UBAP2: variants seen among roughly 807,000 people sequenced by gnomAD.
The protein encoded by UBAP2 is ubiquitin associated protein 2.
A neutral mutation model predicts 139.6 loss-of-function variants in UBAP2; 75 were observed. The ratio of observed to expected loss-of-function variants is 0.54; its 90% CI spans 0.45 to 0.65. The LOEUF (loss-of-function observed/expected upper bound fraction) is 0.65. UBAP2 is among the 30% of genes least tolerant of loss of function. UBAP2 has a pLI of 0.00. For synonymous variants in UBAP2, 526 were observed against 526.2 expected, an observed-to-expected ratio of 1.00 and a Z score of 0.01; for missense variants, 1,368 against 1,369.6, an observed-to-expected ratio of 1.00 and a Z score of 0.02.
At chr9:33,987,509 G>A (rs982253009) in intron 5 of UBAP2, among the ~76,000 whole-genome samples, 7 of 152,180 alleles carry the variant, frequency 4.6e-5, no homozygotes, top group African/African-American at 1.7e-4. Context: ...TCAGGAGGCT[G>A]AGGTGGGAGG....
Position 34,027,701 on chromosome 9 carries a change from C to CAA in UBAP2, c.-41-10514_-41-10513dup, listed in dbSNP as rs35867598. 6.7e-4 allele frequency among the ~76,000 whole-genome samples: 100 copies of CAA among 148,274 alleles called. 1 individual carries two copies. Among genetic ancestry groups the CAA allele is most frequent in the East Asian group, 9.9e-4 (5 of 5,030 alleles). On this transcript the variant is annotated intron_variant, in intron 1 of 28. Transcript: ENST00000379238. The stretch of plus-strand genomic sequence containing the variant: ...CGAAACCCCATCTCTACTAAAAATA[C>CAA]AAAAAAAAAATTAGCCGGGGGTGGT...
chr9:34,032,700 G>C (rs1479329125), intron 1 of UBAP2, among the ~76,000 whole-genome samples: 8 of 152,100 alleles, frequency 5.3e-5, no homozygotes, highest in Non-Finnish European at 1.2e-4. Flanking sequence ...GAGGCAGGCG[G>C]ATCACTTGAG....
intron 1 of UBAP2, among the ~76,000 whole-genome samples, chr9:34,040,998 T>C (rs1827023444): frequency 1.3e-5 from 2 of 152,166 alleles, no homozygotes. Flanking sequence ...TTATGTAGTC[T>C]TGAGAAAATG....
chr9:33,957,470 G>A (rs755154312), intron 10 of UBAP2, among the ~76,000 whole-genome samples: 36 of 152,210 alleles, frequency 2.4e-4, no homozygotes, highest in Non-Finnish European at 3.8e-4. Flanking sequence ...TACAGATTAG[G>A]CTGCATTTTC....
intron 12 of UBAP2, chr9:33,948,859 C>A (rs1825858367): frequency 2.8e-6 from 1 of 362,978 alleles, no homozygotes; most frequent in East Asian, 5.3e-5. Flanking sequence ...TTTTTAAAAA[C>A]GTGATGTTGG....
At chr9:33,990,790 C>T (rs1004402543) in intron 4 of UBAP2, among the ~76,000 whole-genome samples, 2 of 151,992 alleles carry the variant, frequency 1.3e-5, no homozygotes, top group African/African-American at 4.8e-5. Context: ...GCGTACACCA[C>T]CACACCCAGT....
At chr9:34,006,674 C>T (rs1823250235) in intron 2 of UBAP2, among the ~76,000 whole-genome samples, 1 of 151,504 alleles carries the variant, frequency 6.6e-6, no homozygotes, top group Non-Finnish European at 1.5e-5. Context: ...AAAGTGAGAC[C>T]TTGTCTCAAA....
chr9:33,977,037 T>C (rs933425713), intron 6 of UBAP2, among the ~76,000 whole-genome samples: 1 of 143,168 alleles, frequency 7.0e-6, no homozygotes, highest in South Asian at 2.2e-4. Flanking sequence ...AGTTGTTTTT[T>C]ATTTATTTTT....
intron 1 of UBAP2, among the ~76,000 whole-genome samples, chr9:34,036,792 C>A (rs1826411810): frequency 6.7e-6 from 1 of 149,734 alleles, no homozygotes; most frequent in African/African-American, 2.5e-5. Context: ...GAATATACTA[C>A]CTTAAGTTTT....
At chr9:34,016,658 C>T (rs577108091) in intron 2 of UBAP2, among the ~76,000 whole-genome samples, 39 of 151,702 alleles carry the variant, frequency 2.6e-4, no homozygotes, top group African/African-American at 3.6e-4. Flanking sequence ...TGAGTTCAAG[C>T]GATTCTCCTG....
At chr9:33,957,862 A>G (rs1432057688) in intron 10 of UBAP2, among the ~76,000 whole-genome samples, 1 of 152,104 alleles carries the variant, frequency 6.6e-6, no homozygotes, top group Non-Finnish European at 1.5e-5. Flanking sequence ...TTTCTTCAAC[A>G]ATATAAAAGT....
At chr9:33,936,550 T>C (rs987773322) in intron 16 of UBAP2, among the ~76,000 whole-genome samples, 3 of 151,992 alleles carry the variant, frequency 2.0e-5, no homozygotes, top group Admixed American at 2.0e-4. Flanking sequence ...CACCTCAGCC[T>C]CCCAAAATGT....
At chr9:33,995,725 T>A (rs1323276196) in intron 4 of UBAP2, 3 of 148,192 alleles carry the variant, frequency 2.0e-5, no homozygotes, top group Admixed American at 1.4e-4. Context: ...TTTAGCTGTA[T>A]CCTTCTTAAA....
chr9:33,975,450 A>AAC (rs2131072580), intron 6 of UBAP2, among the ~76,000 whole-genome samples: 2 of 97,944 alleles, frequency 2.0e-5, no homozygotes, highest in African/African-American at 1.1e-4. Flanking sequence ...AAAAACAAAA[A>AAC]AAAAACCAAG....
Position 33,973,233 on chromosome 9 carries a change from A to C in UBAP2, c.525T>G (p.Phe175Leu). Residue 175 changes from phenylalanine to leucine, a missense_variant, in exon 7 of 29, where the codon TTT becomes TTG. Physicochemically the swap from Phe to Leu is conservative, Grantham distance 22 (BLOSUM62 0). Transcript: ENST00000379238. Reference sequence around the variant, plus strand: ...CTGCCCCTCTCCCTCTGCCACGTCCAAATCCTTTAAAAAAACACACAATTA... The same window carrying C: ...CTGCCCCTCTCCCTCTGCCACGTCCCAATCCTTTAAAAAAACACACAATTA... ...DRGKRARGRG[F>L]GRGRGRGAGR... The C allele has an allele frequency of 6.2e-7, 1 of 1,613,966 alleles. No individual in the cohort carries two copies. Among genetic ancestry groups the C allele is most frequent in the African/African-American group, 1.3e-5 (1 of 75,006 alleles).
In UBAP2 at chr9:34,022,915, T is replaced by G. The variant is rs1420956548; in HGVS notation, c.-41-5726A>C. On this transcript the variant is annotated intron_variant, in intron 1 of 28. Transcript: ENST00000379238. ...TATCTGATCTTTTTCTCACTGTTTA[T>G]TCTCAGTGACCCCATTTATGAAAAT... is the stretch of plus-strand genomic sequence containing the variant. 2.0e-5 allele frequency among the ~76,000 whole-genome samples: 3 copies of G among 152,248 alleles called. No homozygotes were observed. The East Asian group carries it at 5.8e-4, about 29-fold the overall frequency.
intron 6 of UBAP2, among the ~76,000 whole-genome samples, chr9:33,978,016 TAAA>T (rs78838897): frequency 5.2e-4 from 61 of 118,210 alleles, no homozygotes; most frequent in African/African-American, 1.8e-3. Flanking sequence ...CTCTGTCTTT[TAAA>T]AAAAAAAAAA....
Position 34,019,688 on chromosome 9 carries a change from T to TACACACACACAC in UBAP2, c.-41-2511_-41-2500dup, listed in dbSNP as rs56358132. Among the ~76,000 whole-genome samples, 20 of 144,862 alleles carry TACACACACACAC rather than the reference T, an allele frequency of 1.4e-4. No individual in the cohort carries two copies. In the East Asian group the frequency reaches 1.8e-3, roughly 13 times the overall value. On this transcript the variant is annotated intron_variant, in intron 1 of 28. Transcript: ENST00000379238. ...AAACTTTATGTTATGTACATTTTACTACACACACACACACACACACACACA... is the reference window on the plus strand; with the variant it reads ...AAACTTTATGTTATGTACATTTTACTACACACACACACACACACACACACACACACACACACA...
intron 6 of UBAP2, among the ~76,000 whole-genome samples, chr9:33,977,440 T>C (rs551403852): frequency 2.0e-5 from 3 of 152,316 alleles, no homozygotes; most frequent in Non-Finnish European, 4.4e-5. Flanking sequence ...GTAACGCTAC[T>C]AGTAACATTG....
Sources: gnomAD v4.1 joint callset for allele counts (sites outside exome capture counted in the v4.1 genomes callset) on GRCh38, gnomAD v4.1.1 for gene constraint, MANE v1.5 for transcripts, NCBI Gene and HGNC (gene_info 2026-07-23, HGNC 2026-07-21) for gene names.